The following BRINP3 variants were observed in gnomAD, a reference collection of about 807,000 sequenced individuals.
BRINP3 encodes BMP/retinoic acid-inducible neural-specific protein 3.
A neutral mutation model predicts 71.0 loss-of-function variants in BRINP3; 19 were observed. That is an observed-to-expected ratio of 0.27 (90% CI 0.19 to 0.39). BRINP3 has a LOEUF of 0.39. Among genes scored for constraint, BRINP3 ranks in the 10% least tolerant of loss-of-function variants. The pLI, the probability that BRINP3 is intolerant of heterozygous loss-of-function variation, is 1.00. For synonymous variants in BRINP3, 380 were observed against 337.7 expected, an observed-to-expected ratio of 1.13 and a Z score of -1.37; for missense variants, 959 against 940.8, an observed-to-expected ratio of 1.02 and a Z score of -0.25.
chr1:190,201,465 T>C (rs1654998525), intron 6 of BRINP3, among the ~76,000 whole-genome samples: 2 of 152,156 alleles, frequency 1.3e-5, no homozygotes. Flanking sequence ...CCCATTTTAG[T>C]TGAAGAAATT....
chr1:190,324,659 T>C (rs1199169536), intron 2 of BRINP3, among the ~76,000 whole-genome samples: 1 of 151,954 alleles, frequency 6.6e-6, no homozygotes, highest in Non-Finnish European at 1.5e-5. Flanking sequence ...TGATTACTGC[T>C]ACTAAGAATC....
At chr1:190,437,642 C>T (rs1157151020) in intron 2 of BRINP3, among the ~76,000 whole-genome samples, 2 of 151,746 alleles carry the variant, frequency 1.3e-5, no homozygotes, top group African/African-American at 4.8e-5. Flanking sequence ...GTCTTATCAA[C>T]AGATTGTCTT....
At position 190,412,470 on chromosome 1, in the gene BRINP3, T is replaced by G. The variant is rs566021122; in HGVS notation, c.236+42185A>C. ...TGTTTTGTTTTGTTTTTTTTTGTTTTTTTTTTTTTTGAGACGGAGTCTCGC... is the reference window on the plus strand; with the variant it reads ...TGTTTTGTTTTGTTTTTTTTTGTTTGTTTTTTTTTTGAGACGGAGTCTCGC... On this transcript the variant is annotated intron_variant, in intron 2 of 7. Coordinates refer to ENST00000367462, the MANE Select transcript of BRINP3 (RefSeq NM_199051.3). Among the ~76,000 whole-genome samples the G allele has an allele frequency of 4.9e-4, 70 of 142,310 alleles. 1 individual carries two copies. The East Asian group carries it at 0.011, about 23-fold the overall frequency. The allele number at this position is 142,310 out of a possible 152,430, so 93.4% of individuals were successfully genotyped here.
chr1:190,447,618 C>CTATA (rs200315088), intron 2 of BRINP3, among the ~76,000 whole-genome samples: 4 of 146,438 alleles, frequency 2.7e-5, no homozygotes, highest in African/African-American at 7.5e-5. Context: ...CTCTCTCTCT[C>CTATA]TCTCTATATA....
chr1:190,456,984 C>T (rs1013548877), intron 1 of BRINP3, among the ~76,000 whole-genome samples: 2 of 152,074 alleles, frequency 1.3e-5, no homozygotes, highest in Non-Finnish European at 2.9e-5. Flanking sequence ...TCAAACAGTA[C>T]TTATTTCATC....
Position 190,264,979 on chromosome 1 carries a change from A to G in BRINP3, c.504T>C (p.Asn168=). ...KRAEGSDSTT[N]SSSVTLETLH... is the part of the protein sequence containing the mutation. The stretch of plus-strand genomic sequence containing the variant: ...GCGTCTCCAGAGTGACCGAAGAGCT[A>G]TTGGTGGTGGAATCACTTCCTTCAG... Residue 168 remains asparagine, a synonymous_variant, in exon 4 of 8, where the codon AAT becomes AAC. Transcript: ENST00000367462. 6.2e-7 allele frequency: 1 copy of G among 1,611,136 alleles called. No homozygotes were observed.
chr1:190,360,646 C>G (rs1669081201), intron 2 of BRINP3, among the ~76,000 whole-genome samples: 1 of 152,000 alleles, frequency 6.6e-6, no homozygotes, highest in Non-Finnish European at 1.5e-5. Flanking sequence ...ACAATTTTAA[C>G]TGGGGAAGTC....
chr1:190,398,158 T>C (rs1202623389), intron 2 of BRINP3, among the ~76,000 whole-genome samples: 2 of 152,000 alleles, frequency 1.3e-5, no homozygotes, highest in Non-Finnish European at 2.9e-5. Flanking sequence ...GGTAGCTAAA[T>C]GATCCTATCA....
chr1:190,378,994 G>A (rs1480109234), intron 2 of BRINP3, among the ~76,000 whole-genome samples: 1 of 152,142 alleles, frequency 6.6e-6, no homozygotes, highest in African/African-American at 2.4e-5. Flanking sequence ...GAAATCTCAC[G>A]TCTTCCTTCA....
intron 2 of BRINP3, among the ~76,000 whole-genome samples, chr1:190,432,778 A>G (rs1276825173): frequency 6.6e-6 from 1 of 152,194 alleles, no homozygotes; most frequent in African/African-American, 2.4e-5. Flanking sequence ...CAAACAAAAT[A>G]ATGGATCTGG....
At chr1:190,349,291 A>G (rs1317420825) in intron 2 of BRINP3, among the ~76,000 whole-genome samples, 1 of 152,044 alleles carries the variant, frequency 6.6e-6, no homozygotes, top group Non-Finnish European at 1.5e-5. Flanking sequence ...CACCAACTTT[A>G]AATTTATTAT....
rs376363213 is a variant in BRINP3, at chr1:190,472,330, C to T, written c.-51+5118G>A. Reference sequence around the variant, plus strand: ...ACGTGTACAAGCACTCTACTTTTCCCAATAACCCTTTATTACGATGTGAAA... The same window carrying T: ...ACGTGTACAAGCACTCTACTTTTCCTAATAACCCTTTATTACGATGTGAAA... On this transcript the variant is annotated intron_variant, in intron 1 of 7. Transcript: ENST00000367462. Among the ~76,000 whole-genome samples the T allele has an allele frequency of 4.2e-4, 63 of 151,592 alleles. 1 individual carries two copies. The highest frequency in any genetic ancestry group is 1.5e-3 in the African/African-American group (63 of 41,484).
chr1:190,421,545 A>G (rs933350794), intron 2 of BRINP3, among the ~76,000 whole-genome samples: 2 of 151,672 alleles, frequency 1.3e-5, no homozygotes, highest in African/African-American at 2.4e-5. Context: ...TATGAAAGTA[A>G]TTGATTCCCT....
chr1:190,365,575 T>C (rs1459445720), intron 2 of BRINP3, among the ~76,000 whole-genome samples: 1 of 147,024 alleles, frequency 6.8e-6, no homozygotes, highest in Non-Finnish European at 1.5e-5. Flanking sequence ...TTAGTTTTGT[T>C]ATGATATTAA....
chr1:190,291,008 CA>C (rs1483274583), intron 2 of BRINP3, among the ~76,000 whole-genome samples: 1 of 151,570 alleles, frequency 6.6e-6, no homozygotes, highest in Admixed American at 6.6e-5. Context: ...AAGAAACAGA[CA>C]AGGTTGAGAG....
At chr1:190,233,814 G>T (rs575372062) in intron 5 of BRINP3, among the ~76,000 whole-genome samples, 1 of 152,128 alleles carries the variant, frequency 6.6e-6, no homozygotes, top group African/African-American at 2.4e-5. Flanking sequence ...ACTCTTTATT[G>T]AATATCTAAA....
At chr1:190,149,982 G>A (rs924599602) in intron 7 of BRINP3, among the ~76,000 whole-genome samples, 1 of 151,964 alleles carries the variant, frequency 6.6e-6, no homozygotes, top group South Asian at 2.1e-4. Flanking sequence ...ATTTCAATTG[G>A]CATTGATTTT....
At chr1:190,388,539 A>C (rs1251818056) in intron 2 of BRINP3, among the ~76,000 whole-genome samples, 1 of 151,846 alleles carries the variant, frequency 6.6e-6, no homozygotes, top group Non-Finnish European at 1.5e-5. Flanking sequence ...TCCATAAGCC[A>C]GGGAATTTGA....
At chr1:190,361,006 A>G (rs1669109351) in intron 2 of BRINP3, among the ~76,000 whole-genome samples, 1 of 152,108 alleles carries the variant, frequency 6.6e-6, no homozygotes, top group Non-Finnish European at 1.5e-5. Context: ...GTGGGAAGAG[A>G]TAACAAATAT....
Sources: gnomAD v4.1 joint callset for allele counts (sites outside exome capture counted in the v4.1 genomes callset) on GRCh38, gnomAD v4.1.1 for gene constraint, MANE v1.5 for transcripts, NCBI Gene and HGNC (gene_info 2026-07-23, HGNC 2026-07-21) for gene names.